The following TRANK1 variants were observed in gnomAD, a reference collection of about 807,000 sequenced individuals.
TRANK1 encodes tetratricopeptide repeat and ankyrin repeat containing 1, also known as TPR and ankyrin repeat-containing protein 1.
TRANK1 carries 198 observed loss-of-function variants against 266.0 expected under a neutral mutation model. The ratio of observed to expected loss-of-function variants is 0.74; its 90% CI spans 0.66 to 0.84. TRANK1 has a LOEUF of 0.84. Ranked by LOEUF, TRANK1 falls within the 40% of genes least tolerant of loss-of-function variation. The pLI is 0.00. For synonymous variants in TRANK1, 1,396 were observed against 1,384.1 expected, an observed-to-expected ratio of 1.01 and a Z score of -0.19; for missense variants, 3,326 against 3,634.6, an observed-to-expected ratio of 0.92 and a Z score of 2.18.
At chr3:36,904,513 C>T (rs1272514763) in intron 2 of TRANK1, among the ~76,000 whole-genome samples, 1 of 141,726 alleles carries the variant, frequency 7.1e-6, no homozygotes, top group Non-Finnish European at 1.5e-5. Context: ...AGCAAGACTC[C>T]GTCTCAAAAA....
intron 1 of TRANK1, among the ~76,000 whole-genome samples, chr3:36,930,153 C>T (rs1407454242): frequency 6.6e-6 from 1 of 152,192 alleles, no homozygotes; most frequent in Non-Finnish European, 1.5e-5. Context: ...GGATTATAGG[C>T]ATGAACCACT....
Position 36,939,913 on chromosome 3 carries a change from C to T in TRANK1, c.23+4874G>A, listed in dbSNP as rs148044834. Among the ~76,000 whole-genome samples, 797 of 151,134 alleles carry T rather than the reference C, an allele frequency of 5.3e-3. 7 individuals are homozygous for T. The highest frequency in any genetic ancestry group is 7.8e-3 in the Non-Finnish European group (531 of 67,832). ...TTCACTTTTTTTTTTTCTTTTGAGACGGAGTCTTGCTTTGTAGCCCAGGCT... is the reference window on the plus strand; with the variant it reads ...TTCACTTTTTTTTTTTCTTTTGAGATGGAGTCTTGCTTTGTAGCCCAGGCT... On this transcript the variant is annotated intron_variant, in intron 1 of 23. Coordinates refer to ENST00000645898, the MANE Select transcript of TRANK1 (RefSeq NM_001329998.2).
chr3:36,845,408 A>T (rs943755465), intron 17 of TRANK1, among the ~76,000 whole-genome samples: 15 of 152,196 alleles, frequency 9.9e-5, no homozygotes, highest in Non-Finnish European at 1.8e-4. Flanking sequence ...AGATTCAGAC[A>T]ACCTGTTAAC....
In TRANK1 at chr3:36,856,811, G is replaced by C. The variant is rs755918039; in HGVS notation, c.2911C>G (p.Arg971Gly). The C allele has an allele frequency of 6.2e-7, 1 of 1,613,790 alleles. No homozygotes were observed. The highest frequency in any genetic ancestry group is 8.5e-7 in the Non-Finnish European group (1 of 1,179,880). The change falls in exon 13 of 24, where the codon CGG (arginine) becomes GGG (glycine). Residue 971 changes from arginine (R) to glycine (G), a missense_variant. Coordinates refer to ENST00000645898, the MANE Select transcript of TRANK1 (RefSeq NM_001329998.2). ...TTATTGATACCTTTCAGCTTCTTCC[G>C]CAGGACACAGGACAAGCCCCGGTTG... ...AYNRGLSCVL[R>G]KKLKGINKGQ... is the part of the protein sequence containing the mutation.
In TRANK1 at chr3:36,855,233, A is replaced by G; in HGVS notation, c.4489T>C (p.Cys1497Arg). The change falls in exon 13 of 24, where the codon TGT becomes CGT. Residue 1497 changes from cysteine (C) to arginine (R), a missense_variant. Transcript: ENST00000645898. Reference sequence around the variant, plus strand: ...ATCTTCTTGGGCTTCCGGACAGCACACTGCTTGTCTATGGTGTTTCTGCTG... The same window carrying G: ...ATCTTCTTGGGCTTCCGGACAGCACGCTGCTTGTCTATGGTGTTTCTGCTG... Reference protein sequence around the residue: ...YASRNTIDKQCAVRKPKKIHQ... With the variant: ...YASRNTIDKQRAVRKPKKIHQ... 6.2e-7 allele frequency: 1 copy of G among 1,614,036 alleles called. No homozygotes were observed. Among genetic ancestry groups the G allele is most frequent in the African/African-American group, 1.3e-5 (1 of 75,070 alleles).
chr3:36,905,390 A>G (rs1415391607), intron 2 of TRANK1, among the ~76,000 whole-genome samples: 1 of 152,076 alleles, frequency 6.6e-6, no homozygotes, highest in African/African-American at 2.4e-5. Flanking sequence ...AGCTGAGGTC[A>G]TGAGGGTGGA....
chr3:36,892,852 CATATATAT>C, intron 6 of TRANK1, 41 bp downstream of exon 6: 1 of 580,930 alleles, frequency 1.7e-6, no homozygotes, highest in Non-Finnish European at 2.3e-6. Flanking sequence ...CAAAACAAAA[CATATATAT>C]ATATATATAT....
chr3:36,828,485 G>A lies in TRANK1; in HGVS notation c.8810-110C>T, dbSNP rs952702500. The A allele has an allele frequency of 7.7e-6, 6 of 776,850 alleles. No homozygotes were observed. The African/African-American group carries it at 1.0e-4, about 13-fold the overall frequency. The allele number at this position is 776,850 out of a possible 1,614,324, so 48.1% of individuals were successfully genotyped here. A position where few individuals can be genotyped will look rare whatever the true frequency, so the allele number is the denominator to read the frequency against. Reference sequence around the variant, plus strand: ...AAGGAGGAAGGGAGGAAGGAAGAAAGGAAGGAAGGGCAGAATGGTGATTTT... The same window carrying A: ...AAGGAGGAAGGGAGGAAGGAAGAAAAGAAGGAAGGGCAGAATGGTGATTTT... On this transcript the variant is annotated intron_variant, in intron 23 of 23. Coordinates refer to ENST00000645898, the MANE Select transcript of TRANK1 (RefSeq NM_001329998.2).
intron 1 of TRANK1, among the ~76,000 whole-genome samples, chr3:36,923,620 C>A (rs927072640): frequency 3.3e-5 from 5 of 152,086 alleles, no homozygotes; most frequent in Admixed American, 2.0e-4. Context: ...ATTTTGGTGG[C>A]CTGTAGGGGG....
In TRANK1 at chr3:36,925,472, A is replaced by G. The variant is rs944983388; in HGVS notation, c.24-17018T>C. The stretch of plus-strand genomic sequence containing the variant: ...TTTATGATCCAACTAGAATGTAAAC[A>G]TTGGAAACTCATTTAAAGTTAAAGA... On this transcript the variant is annotated intron_variant, in intron 1 of 23. Transcript: ENST00000645898. Among the ~76,000 whole-genome samples, 3 of 152,238 alleles carry G rather than the reference A, an allele frequency of 2.0e-5. No homozygotes were observed. The South Asian group carries it at 6.2e-4, about 31-fold the overall frequency.
chr3:36,878,679 G>T (rs1206838349), intron 8 of TRANK1, among the ~76,000 whole-genome samples: 1 of 151,360 alleles, frequency 6.6e-6, no homozygotes, highest in Non-Finnish European at 1.5e-5. Flanking sequence ...TATTACCCAG[G>T]TGATGAAATG....
At chr3:36,875,229 G>T (rs924036267) in intron 8 of TRANK1, among the ~76,000 whole-genome samples, 1 of 152,166 alleles carries the variant, frequency 6.6e-6, no homozygotes, top group African/African-American at 2.4e-5. Flanking sequence ...TATCCAGAGA[G>T]GCCTGACCTA....
In TRANK1 at chr3:36,838,706, T is replaced by C. The variant is rs771395834; in HGVS notation, c.5291A>G (p.Lys1764Arg). 1.2e-6 allele frequency: 2 copies of C among 1,613,510 alleles called. No individual in the cohort carries two copies. The highest frequency in any genetic ancestry group is 1.1e-5 in the South Asian group (1 of 90,914). ...AKHQCWKVAA[K>R]CYQKGGAFEK... Reference sequence around the variant, plus strand: ...AAATGCACCTCCTTTCTGGTAACACTTGGCTGCAACCTGGAATAGGCAAAA... The same window carrying C: ...AAATGCACCTCCTTTCTGGTAACACCTGGCTGCAACCTGGAATAGGCAAAA... The change falls in exon 19 of 24, where the codon AAG becomes AGG. Residue 1764 changes from lysine to arginine, a missense_variant. By Grantham distance (26) the Lys-to-Arg change is conservative. Coordinates refer to ENST00000645898, the MANE Select transcript of TRANK1 (RefSeq NM_001329998.2).
rs951295951 is a variant in TRANK1 at position 36,832,445 on chromosome 3, T to C, written c.7138A>G (p.Ile2380Val). 6.2e-7 allele frequency: 1 copy of C among 1,613,996 alleles called. No individual in the cohort carries two copies. The highest frequency in any genetic ancestry group is 8.5e-7 in the Non-Finnish European group (1 of 1,179,888). Residue 2380 changes from isoleucine (I) to valine (V), a missense_variant, in exon 22 of 24, where the codon ATA becomes GTA. By Grantham distance (29) the Ile-to-Val change is conservative. Transcript: ENST00000645898. ...DERGRGRGSRIKGIEGKFGML... is the reference protein window; with the variant it reads ...DERGRGRGSRVKGIEGKFGML... ...CCAAATTTCCCTTCTATTCCTTTTA[T>C]CCTGCTGCCTCTCCCCCTGCCCCTT...
At chr3:36,854,375 AAAG>A (rs200392235) in intron 13 of TRANK1, among the ~76,000 whole-genome samples, 8,456 of 151,900 alleles carry the variant, frequency 0.056, 738 homozygotes, top group African/African-American at 0.19. Context: ...AACAAAAAAA[AAAG>A]AAAGAAAGAA....
At chr3:36,941,224 C>T (rs566074266) in intron 1 of TRANK1, among the ~76,000 whole-genome samples, 1 of 152,308 alleles carries the variant, frequency 6.6e-6, no homozygotes, top group African/African-American at 2.4e-5. Context: ...TGCCCTCTTT[C>T]CAAGTGCTAG....
chr3:36,828,191 C>A lies in TRANK1; in HGVS notation c.*84G>T, dbSNP rs934002899. ...TATTTTTAAAATGCTAATTCACATT[C>A]TTTTTGTCTTCTGCCCCAGCGCTCA... On this transcript the variant is annotated 3_prime_UTR_variant, in exon 24 of 24. Coordinates refer to ENST00000645898, the MANE Select transcript of TRANK1 (RefSeq NM_001329998.2). 6 of 993,196 alleles carry A rather than the reference C, an allele frequency of 6.0e-6. No individual in the cohort carries two copies. In the African/African-American group the frequency reaches 8.1e-5, roughly 13 times the overall value. 61.5% of individuals were successfully genotyped at this position (993,196 alleles called of 1,614,324 possible). A position where few individuals can be genotyped will look rare whatever the true frequency, so the allele number is the denominator to read the frequency against.
In TRANK1 at chr3:36,856,696, A is replaced by G; in HGVS notation, c.3026T>C (p.Val1009Ala). The G allele has an allele frequency of 6.2e-7, 1 of 1,614,046 alleles. No individual in the cohort carries two copies. Among genetic ancestry groups the G allele is most frequent in the Non-Finnish European group, 8.5e-7 (1 of 1,179,900 alleles). The change falls in exon 13 of 24, where the codon GTC becomes GCC. Residue 1009 changes from valine (V) to alanine (A), a missense_variant. Val to Ala is a moderately conservative substitution (Grantham distance 64, BLOSUM62 0). Transcript: ENST00000645898. The stretch of plus-strand genomic sequence containing the variant: ...GGCTGGGGGAAAGTACTCAGGATTG[A>G]CATGCTCCCTGCCCTTCTCGGCCTC... ...DTEAEKGREH[V>A]NPEYFPPASA... is the part of the protein sequence containing the mutation.
At chr3:36,940,938 C>T (rs1008304892) in intron 1 of TRANK1, among the ~76,000 whole-genome samples, 5 of 152,110 alleles carry the variant, frequency 3.3e-5, no homozygotes, top group South Asian at 2.1e-4. Context: ...GCCAATGAGT[C>T]CCTAGAAGTC....
Sources: allele counts gnomAD v4.1 joint callset (sites outside exome capture counted in the v4.1 genomes callset), GRCh38; gene constraint gnomAD v4.1.1; transcripts MANE v1.5; gene names NCBI Gene and HGNC (gene_info 2026-07-23, HGNC 2026-07-21).